NEO1: variants seen among roughly 807,000 people sequenced by gnomAD.
The protein encoded by NEO1 is neogenin 1, also known as neogenin.
A neutral mutation model predicts 159.7 loss-of-function variants in NEO1; 63 were observed. The ratio of observed to expected loss-of-function variants is 0.39; its 90% CI spans 0.32 to 0.49. The LOEUF is 0.49. Ranked by LOEUF, NEO1 falls within the 20% of genes least tolerant of loss-of-function variation. The probability of loss-of-function intolerance (pLI) is 0.85; values close to 1 mark genes in which losing one functional copy is unlikely to be tolerated. For missense variants in NEO1, 1,615 were observed against 1,831.0 expected, an observed-to-expected ratio of 0.88 and a Z score of 2.15; for synonymous variants, 633 against 662.0, an observed-to-expected ratio of 0.96 and a Z score of 0.67.
chr15:73,052,654 G>A lies in NEO1; in HGVS notation c.-22G>A. On this transcript the variant is annotated 5_prime_UTR_variant, in exon 1 of 29. Transcript: ENST00000261908. ...GCTCCGCGGCGCTGTCGCCGCCGCT[G>A]CCGCTCACTCTCGGGGAAGAGATGG... 1 of 1,272,858 alleles carries A rather than the reference G, an allele frequency of 7.9e-7. No individual in the cohort carries two copies. Among genetic ancestry groups the A allele is most frequent in the Non-Finnish European group, 1.0e-6 (1 of 1,004,148 alleles). 78.8% of individuals were successfully genotyped at this position (1,272,858 alleles called of 1,614,324 possible). A position where few individuals can be genotyped will look rare whatever the true frequency, so the allele number is the denominator to read the frequency against.
At chr15:73,097,689 C>T (rs1423479301) in intron 1 of NEO1, among the ~76,000 whole-genome samples, 1 of 151,224 alleles carries the variant, frequency 6.6e-6, no homozygotes, top group African/African-American at 2.4e-5. Context: ...TTTGAGATGA[C>T]CTTAGTGGCC....
At chr15:73,228,568 T>G (rs534876665) in intron 7 of NEO1, among the ~76,000 whole-genome samples, 2 of 152,026 alleles carry the variant, frequency 1.3e-5, no homozygotes, top group South Asian at 2.1e-4. Flanking sequence ...TGTTGTTGTT[T>G]TTGTTTTGTT....
At chr15:73,182,330 A>C (rs772857840) in intron 7 of NEO1, among the ~76,000 whole-genome samples, 1 of 152,090 alleles carries the variant, frequency 6.6e-6, no homozygotes, top group Non-Finnish European at 1.5e-5. Flanking sequence ...ACAGAAAAAG[A>C]GGGCAGATCA....
intron 7 of NEO1, among the ~76,000 whole-genome samples, chr15:73,204,236 G>A (rs916748848): frequency 7.3e-5 from 11 of 151,456 alleles, no homozygotes; most frequent in Admixed American, 2.0e-4. Context: ...TTATTCTGCC[G>A]TCTTTCAAGA....
intron 1 of NEO1, among the ~76,000 whole-genome samples, chr15:73,097,559 C>G (rs1942106540): frequency 6.6e-6 from 1 of 151,760 alleles, no homozygotes; most frequent in Non-Finnish European, 1.5e-5. Context: ...CAGGGTTTTG[C>G]CATGTTGGCC....
At chr15:73,244,173 C>T (rs1326653140) in intron 8 of NEO1, among the ~76,000 whole-genome samples, 171 bp from the exon 9 acceptor site, 1 of 152,186 alleles carries the variant, frequency 6.6e-6, no homozygotes, top group Non-Finnish European at 1.5e-5. Context: ...TATGCCCTTG[C>T]TCTTTTGCCA....
At chr15:73,278,283 G>C in intron 22 of NEO1, 84 bp downstream of exon 22, 1 of 1,216,306 alleles carries the variant, frequency 8.2e-7, no homozygotes, top group South Asian at 1.3e-5. Context: ...TTTATAGCTT[G>C]TGTGTGGTGG....
In NEO1 at chr15:73,244,977, A is replaced by C. The variant is rs191705053; in HGVS notation, c.1606+479A>C. Among the ~76,000 whole-genome samples, 303 of 112,014 alleles carry C rather than the reference A, an allele frequency of 2.7e-3. 4 individuals carry two copies. Among genetic ancestry groups the C allele is most frequent in the South Asian group, 6.7e-3 (20 of 2,966 alleles). 73.5% of individuals were successfully genotyped at this position (112,014 alleles called of 152,430 possible). ...CTCAAAAAAAAAAAAAAAAAAAAAA[A>C]AAAAAACAACAGCAAATAGTATAAG... is the stretch of plus-strand genomic sequence containing the variant. On this transcript the variant is annotated intron_variant, in intron 9 of 28. Transcript: ENST00000261908.
intron 23 of NEO1, 22 bp downstream of exon 23, chr15:73,283,133 C>A (rs752516620): frequency 3.1e-6 from 5 of 1,612,748 alleles, no homozygotes; most frequent in Non-Finnish European, 4.2e-6. Context: ...CAGATGCACC[C>A]CTTAGATTTT....
intron 1 of NEO1, among the ~76,000 whole-genome samples, chr15:73,101,865 C>T (rs1310231932): frequency 6.6e-6 from 1 of 152,174 alleles, no homozygotes; most frequent in East Asian, 1.9e-4. Context: ...AGTCTCTCCT[C>T]TATTGCAAAG....
chr15:73,279,062 C>G (rs985195262), intron 22 of NEO1, among the ~76,000 whole-genome samples: 1 of 152,244 alleles, frequency 6.6e-6, no homozygotes, highest in African/African-American at 2.4e-5. Flanking sequence ...TGTAGGAATA[C>G]GATGATGTCT....
chr15:73,052,309 GCCCC>G (rs2067476096), upstream of NEO1, among the ~76,000 whole-genome samples: 9 of 127,750 alleles, frequency 7.0e-5, no homozygotes, highest in Admixed American at 5.8e-4. Context: ...CCCCGCCCCC[GCCCC>G]CGCCCCCGCC....
intron 1 of NEO1, among the ~76,000 whole-genome samples, chr15:73,097,278 A>G (rs1467400312): frequency 2.0e-5 from 3 of 151,174 alleles, no homozygotes; most frequent in African/African-American, 4.9e-5. Context: ...AATAAAGACG[A>G]TATTTTAAAT....
At chr15:73,064,934 C>A (rs1486875478) in intron 1 of NEO1, among the ~76,000 whole-genome samples, 2 of 151,986 alleles carry the variant, frequency 1.3e-5, no homozygotes, top group Non-Finnish European at 2.9e-5. Context: ...ACTGCTTATT[C>A]TGTATTCCCC....
chr15:73,288,437 C>T lies in NEO1; in HGVS notation c.3535C>T (p.Pro1179Ser). 1 of 1,614,100 alleles carries T rather than the reference C, an allele frequency of 6.2e-7. No homozygotes were observed. The highest frequency in any genetic ancestry group is 8.5e-7 in the Non-Finnish European group (1 of 1,179,992). ...GGAGCTGAAACCCATTGATAAGTCTCCAGACCCAAACCCCATCATGACTGA... is the reference window on the plus strand; with the variant it reads ...GGAGCTGAAACCCATTGATAAGTCTTCAGACCCAAACCCCATCATGACTGA... Reference protein sequence around the residue: ...RLELKPIDKSPDPNPIMTDTP... With the variant: ...RLELKPIDKSSDPNPIMTDTP... Residue 1179 changes from proline (P) to serine (S), a missense_variant, in exon 24 of 29, where the codon CCA becomes TCA. Coordinates refer to ENST00000261908, the MANE Select transcript of NEO1 (RefSeq NM_002499.4).
At chr15:73,149,380 AT>A (rs374308186) in intron 5 of NEO1, among the ~76,000 whole-genome samples, 2 of 152,226 alleles carry the variant, frequency 1.3e-5, no homozygotes, top group East Asian at 3.9e-4. Flanking sequence ...TTCAAACACT[AT>A]TTATTCTGTA....
chr15:73,150,026 C>T (rs2033248117), intron 5 of NEO1, among the ~76,000 whole-genome samples: 1 of 152,128 alleles, frequency 6.6e-6, no homozygotes, highest in Non-Finnish European at 1.5e-5. Flanking sequence ...ATCTCTTGCC[C>T]AGCACACACA....
At chr15:73,152,000 C>G (rs992481225) in intron 5 of NEO1, among the ~76,000 whole-genome samples, 1 of 152,076 alleles carries the variant, frequency 6.6e-6, no homozygotes, top group African/African-American at 2.4e-5. Flanking sequence ...TTGAATTTGC[C>G]TATTGTATTA....
In NEO1 at chr15:73,220,085, T is replaced by G. The variant is rs538081203; in HGVS notation, c.1292-16262T>G. ...ACCGGTTGTTCCTTTCCATGTTTAG[T>G]GCTTCCTTCAGGAGCTCTTTTAGGG... On this transcript the variant is annotated intron_variant, in intron 7 of 28. Transcript: ENST00000261908. Among the ~76,000 whole-genome samples, 5 of 152,314 alleles carry G rather than the reference T, an allele frequency of 3.3e-5. No homozygotes were observed. The South Asian group carries it at 1.0e-3, about 32-fold the overall frequency.
Sources: gnomAD v4.1 joint callset for allele counts (sites outside exome capture counted in the v4.1 genomes callset) on GRCh38, gnomAD v4.1.1 for gene constraint, MANE v1.5 for transcripts, NCBI Gene and HGNC (gene_info 2026-07-23, HGNC 2026-07-21) for gene names.